AOAH: variants seen among roughly 807,000 people sequenced by gnomAD.
AOAH encodes the protein acyloxyacyl hydrolase (neutrophil).
In AOAH, 64 loss-of-function variants were observed where a neutral mutation model predicts 92.2. The ratio of observed to expected loss-of-function variants is 0.69; its 90% CI spans 0.57 to 0.86. AOAH has a LOEUF of 0.86. AOAH is among the 40% of genes least tolerant of loss of function. AOAH has a pLI of 0.00. For missense variants in AOAH, 656 were observed against 694.6 expected (o/e 0.94, Z 0.62); for synonymous variants, 263 against 254.5 (o/e 1.03, Z -0.32).
chr7:36,698,829 C>T (rs980547191), intron 1 of AOAH, among the ~76,000 whole-genome samples: 2 of 151,730 alleles, frequency 1.3e-5, no homozygotes, highest in African/African-American at 4.9e-5. Context: ...TCATTCTCTT[C>T]TAACTATTTT....
intron 2 of AOAH, 44 bp from the exon 3 acceptor site, chr7:36,674,053 C>A: frequency 8.9e-7 from 1 of 1,117,894 alleles, no homozygotes; most frequent in South Asian, 1.3e-5. Flanking sequence ...TTTATTGCGA[C>A]GAATTTAACA....
chr7:36,685,042 G>C (rs1043437378), intron 2 of AOAH, among the ~76,000 whole-genome samples: 2 of 150,024 alleles, frequency 1.3e-5, no homozygotes, highest in African/African-American at 2.4e-5. Flanking sequence ...TTATAGGCTT[G>C]TCAAAGAAAT....
At chr7:36,628,641 A>T in intron 6 of AOAH, among the ~76,000 whole-genome samples, 1 of 152,192 alleles carries the variant, frequency 6.6e-6, no homozygotes, top group Admixed American at 6.5e-5. Flanking sequence ...TGTGCAAGCG[A>T]CTGAAAGTAA....
intron 13 of AOAH, among the ~76,000 whole-genome samples, chr7:36,552,973 TTTATTA>T (rs1027486441): frequency 6.6e-6 from 1 of 152,076 alleles, no homozygotes; most frequent in Non-Finnish European, 1.5e-5. Context: ...TTTTTCTTTT[TTTATTA>T]TTATTATACT....
At chr7:36,558,475 G>T (rs936415703) in intron 13 of AOAH, among the ~76,000 whole-genome samples, 6 of 152,244 alleles carry the variant, frequency 3.9e-5, no homozygotes, top group African/African-American at 1.4e-4. Context: ...CCTGTTCTCA[G>T]ATCTCCAGCT....
intron 1 of AOAH, among the ~76,000 whole-genome samples, chr7:36,723,227 G>C (rs1562734260): frequency 6.6e-6 from 1 of 152,030 alleles, no homozygotes; most frequent in South Asian, 2.1e-4. Context: ...GAGTCTATGT[G>C]GCTCCATGGA....
At chr7:36,640,778 A>C (rs144475211) in intron 4 of AOAH, among the ~76,000 whole-genome samples, 221 of 152,266 alleles carry the variant, frequency 1.5e-3, no homozygotes, top group African/African-American at 5.2e-3. Flanking sequence ...AGTGGAGGGA[A>C]GCTCCAGAAG....
At chr7:36,620,399 T>C (rs907026805) in intron 9 of AOAH, among the ~76,000 whole-genome samples, 2 of 151,480 alleles carry the variant, frequency 1.3e-5, no homozygotes, top group African/African-American at 4.9e-5. Context: ...GCTAGGCTTA[T>C]GAAACAGAAA....
intron 16 of AOAH, among the ~76,000 whole-genome samples, chr7:36,537,506 G>GTTTTTTTTTTTTTTTTTT (rs67918250): frequency 1.5e-5 from 2 of 134,840 alleles, no homozygotes; most frequent in Non-Finnish European, 1.6e-5. Flanking sequence ...CACCCCTCTT[G>GTTTTTTTTTTTTTTTTTT]TTTTTTTTTT....
At chr7:36,622,026 AATGT>A (rs1262785508) in intron 7 of AOAH, among the ~76,000 whole-genome samples, 3 of 151,892 alleles carry the variant, frequency 2.0e-5, no homozygotes, top group Non-Finnish European at 4.4e-5. Flanking sequence ...TGCATATGTG[AATGT>A]ATGTGTGTGT....
At chr7:36,661,531 C>A (rs1467112925) in intron 3 of AOAH, among the ~76,000 whole-genome samples, 1 of 152,120 alleles carries the variant, frequency 6.6e-6, no homozygotes, top group African/African-American at 2.4e-5. Flanking sequence ...GATCTGTGTG[C>A]CCTAGGTTCT....
At chr7:36,612,700 AT>A (rs1429683184) in intron 11 of AOAH, among the ~76,000 whole-genome samples, 1 of 152,212 alleles carries the variant, frequency 6.6e-6, no homozygotes, top group East Asian at 1.9e-4. Context: ...TTGTTGGTGA[AT>A]TAACATGCCT....
intron 11 of AOAH, among the ~76,000 whole-genome samples, chr7:36,608,227 G>T (rs779405427): frequency 6.6e-6 from 1 of 152,220 alleles, no homozygotes; most frequent in Non-Finnish European, 1.5e-5. Flanking sequence ...TCTTAGTGGC[G>T]TCTTTACAGT....
intron 1 of AOAH, among the ~76,000 whole-genome samples, chr7:36,706,580 G>C (rs949484135): frequency 6.6e-6 from 1 of 152,178 alleles, no homozygotes; most frequent in African/African-American, 2.4e-5. Flanking sequence ...GAGTTTTGCA[G>C]CTGGGTATTG....
intron 13 of AOAH, among the ~76,000 whole-genome samples, chr7:36,575,097 A>G (rs556530546): frequency 9.2e-5 from 14 of 152,128 alleles, no homozygotes; most frequent in Non-Finnish European, 1.3e-4. Flanking sequence ...ATGTCACTAA[A>G]GGAAAAAGAA....
intron 11 of AOAH, among the ~76,000 whole-genome samples, chr7:36,611,694 C>G (rs1052090673): frequency 2.4e-4 from 37 of 152,120 alleles, no homozygotes; most frequent in African/African-American, 8.2e-4. Flanking sequence ...GAAGCAGGAA[C>G]AGGGAGGACA....
At chr7:36,575,331 C>T (rs17399974) in intron 13 of AOAH, among the ~76,000 whole-genome samples, 19 of 152,274 alleles carry the variant, frequency 1.2e-4, no homozygotes, top group African/African-American at 3.9e-4. Context: ...CTGTAACTTA[C>T]TATCTGTGTG....
At chr7:36,626,941 A>G (rs1792706780) in intron 6 of AOAH, among the ~76,000 whole-genome samples, 2 of 152,186 alleles carry the variant, frequency 1.3e-5, no homozygotes, top group African/African-American at 2.4e-5. Flanking sequence ...TGAATAAGAC[A>G]TTGTTGACTT....
intron 15 of AOAH, among the ~76,000 whole-genome samples, chr7:36,542,337 C>T (rs1785477949): frequency 6.6e-6 from 1 of 152,184 alleles, no homozygotes; most frequent in African/African-American, 2.4e-5. Flanking sequence ...TTTAAGCATC[C>T]AGAACTGAGA....
Sources: gnomAD v4.1 joint callset for allele counts (sites outside exome capture counted in the v4.1 genomes callset) on GRCh38, gnomAD v4.1.1 for gene constraint, MANE v1.5 for transcripts, NCBI Gene and HGNC (gene_info 2026-07-23, HGNC 2026-07-21) for gene names.